Variants in CACNG3 observed in about 807,000 individuals in gnomAD.
CACNG3 encodes voltage-dependent calcium channel gamma-3 subunit.
CACNG3 carries 3 observed loss-of-function variants against 28.5 expected under a neutral mutation model. The observed-to-expected ratio is 0.11, with a 90% CI of 0.05 to 0.27. CACNG3 has a LOEUF of 0.27. Ranked by LOEUF, CACNG3 falls within the 10% of genes least tolerant of loss-of-function variation. CACNG3 has a pLI of 1.00. For synonymous variants in CACNG3, 174 were observed against 162.2 expected (o/e 1.07, Z -0.55); for missense variants, 236 against 414.4 (o/e 0.57, Z 3.74).
intron 1 of CACNG3, among the ~76,000 whole-genome samples, chr16:24,312,943 G>GAAAT (rs879741064): frequency 1.0e-5 from 1 of 97,828 alleles, no homozygotes; most frequent in Non-Finnish European, 2.2e-5. Context: ...AAGAAAGAAA[G>GAAAT]AAAGAAAGAA....
intron 1 of CACNG3, among the ~76,000 whole-genome samples, chr16:24,258,944 C>T (rs372600147): frequency 6.6e-6 from 1 of 152,156 alleles, no homozygotes; most frequent in African/African-American, 2.4e-5. Context: ...TAAACACTTG[C>T]TAAGAATTTC....
intron 1 of CACNG3, among the ~76,000 whole-genome samples, chr16:24,343,026 C>A (rs551964242): frequency 6.6e-6 from 1 of 152,102 alleles, no homozygotes. Context: ...CCTTTCTCTA[C>A]TAAAAATAAA....
At chr16:24,312,111 A>C (rs4787433) in intron 1 of CACNG3, among the ~76,000 whole-genome samples, 46,926 of 152,110 alleles carry the variant, frequency 0.31, 8,167 homozygotes, top group South Asian at 0.46. Context: ...CTGAGCAGCA[A>C]TGAGCAGTGA....
intron 1 of CACNG3, among the ~76,000 whole-genome samples, chr16:24,297,733 A>AG (rs552256491): frequency 1.0e-3 from 157 of 152,246 alleles, no homozygotes; most frequent in Non-Finnish European, 1.7e-3. Flanking sequence ...ATGGATGGGG[A>AG]GGGGGTGCTG....
chr16:24,302,200 T>C (rs1899122459), intron 1 of CACNG3, among the ~76,000 whole-genome samples: 1 of 152,230 alleles, frequency 6.6e-6, no homozygotes, highest in African/African-American at 2.4e-5. Flanking sequence ...TTCCACAATG[T>C]AGCCTGAGTA....
intron 1 of CACNG3, among the ~76,000 whole-genome samples, chr16:24,326,332 C>T (rs1371589559): frequency 6.6e-6 from 1 of 152,062 alleles, no homozygotes; most frequent in Non-Finnish European, 1.5e-5. Flanking sequence ...CCAGTAGGCC[C>T]GGCTCATTTT....
intron 3 of CACNG3, among the ~76,000 whole-genome samples, chr16:24,360,512 CTG>C (rs1900091687): frequency 6.6e-6 from 1 of 152,230 alleles, no homozygotes; most frequent in Admixed American, 6.5e-5. Context: ...TTATCATATC[CTG>C]TGCAGATGAA....
At chr16:24,352,545 G>GTTTT (rs1021605185) in intron 2 of CACNG3, among the ~76,000 whole-genome samples, 1 of 150,658 alleles carries the variant, frequency 6.6e-6, no homozygotes, top group Non-Finnish European at 1.5e-5. Flanking sequence ...TTGTTTGTTT[G>GTTTT]TTTGTTTGTT....
At chr16:24,306,819 C>G (rs535642440) in intron 1 of CACNG3, among the ~76,000 whole-genome samples, 1 of 152,256 alleles carries the variant, frequency 6.6e-6, no homozygotes, top group South Asian at 2.1e-4. Flanking sequence ...CCCCATTTTA[C>G]AGATGGGGAA....
chr16:24,260,676 C>T (rs1255831043), intron 1 of CACNG3, among the ~76,000 whole-genome samples: 1 of 152,222 alleles, frequency 6.6e-6, no homozygotes, highest in South Asian at 2.1e-4. Flanking sequence ...GATCTCAGAG[C>T]ACTCACTGTG....
intron 3 of CACNG3, among the ~76,000 whole-genome samples, chr16:24,360,261 T>C (rs956774913): frequency 2.0e-5 from 3 of 151,874 alleles, no homozygotes; most frequent in East Asian, 1.9e-4. Flanking sequence ...AAAAAAGACA[T>C]ATCCCCTTCG....
chr16:24,352,693 C>T (rs1378031601), intron 2 of CACNG3, among the ~76,000 whole-genome samples: 2 of 152,188 alleles, frequency 1.3e-5, no homozygotes. Context: ...GCACACACCA[C>T]CATGCCTGGC....
chr16:24,314,632 A>G (rs1340780816), intron 1 of CACNG3, among the ~76,000 whole-genome samples: 1 of 152,090 alleles, frequency 6.6e-6, no homozygotes, highest in Non-Finnish European at 1.5e-5. Context: ...GGTTGCCACA[A>G]CCCTCACGGT....
chr16:24,340,533 G>A (rs749094611), intron 1 of CACNG3, among the ~76,000 whole-genome samples: 7 of 152,040 alleles, frequency 4.6e-5, no homozygotes, highest in South Asian at 2.1e-4. Context: ...AAATATGTAC[G>A]ATTGTTACAT....
intron 1 of CACNG3, among the ~76,000 whole-genome samples, chr16:24,285,845 C>CTTTT (rs11406086): frequency 4.6e-5 from 6 of 131,602 alleles, no homozygotes; most frequent in South Asian, 2.4e-4. Context: ...TCTTTCTTTT[C>CTTTT]TTTTTTTTTT....
intron 1 of CACNG3, among the ~76,000 whole-genome samples, chr16:24,295,382 C>A (rs76050363): frequency 1.3e-5 from 2 of 152,258 alleles, no homozygotes; most frequent in African/African-American, 2.4e-5. Context: ...GTGCTGATGG[C>A]GGCTAGATGT....
chr16:24,342,886 C>T (rs559570374), intron 1 of CACNG3, among the ~76,000 whole-genome samples: 1 of 151,956 alleles, frequency 6.6e-6, no homozygotes, highest in South Asian at 2.1e-4. Context: ...CTGCTTTAGA[C>T]CATTAAAAAC....
At chr16:24,322,566 T>A (rs75341567) in intron 1 of CACNG3, among the ~76,000 whole-genome samples, 3,909 of 152,082 alleles carry the variant, frequency 0.026, 72 homozygotes, top group South Asian at 0.051. Context: ...TTTACATTTG[T>A]AAAATACAAG....
intron 1 of CACNG3, among the ~76,000 whole-genome samples, chr16:24,333,711 G>A (rs765220206): frequency 5.9e-5 from 9 of 152,160 alleles, no homozygotes; most frequent in South Asian, 2.1e-4. Context: ...GTATGGTGGC[G>A]TGCACCTGTA....
Sources: allele counts gnomAD v4.1 joint callset (sites outside exome capture counted in the v4.1 genomes callset), GRCh38; gene constraint gnomAD v4.1.1; transcripts MANE v1.5; gene names NCBI Gene and HGNC (gene_info 2026-07-23, HGNC 2026-07-21).